Variants in VPS8 observed in about 807,000 individuals in gnomAD.
VPS8 encodes the protein vacuolar protein sorting-associated protein 8 homolog.
In VPS8, 129 loss-of-function variants were observed where a neutral mutation model predicts 216.4. The observed-to-expected ratio is 0.60, with a 90% confidence interval of 0.52 to 0.69. VPS8 has a LOEUF of 0.69. Among genes scored for constraint, VPS8 ranks in the 30% least tolerant of loss-of-function variants. VPS8 has a pLI of 0.00. For synonymous variants in VPS8, 571 were observed against 565.4 expected (o/e 1.01, Z -0.14); for missense variants, 1,531 against 1,683.5 (o/e 0.91, Z 1.59).
rs149682398 is a variant in VPS8 at position 184,987,747 on chromosome 3, C to T, written c.3585+4653C>T. 5.8e-4 allele frequency among the ~76,000 whole-genome samples: 88 copies of T among 152,240 alleles called. 1 individual carries two copies. The highest frequency in any genetic ancestry group is 2.0e-3 in the African/African-American group (84 of 41,556). ...AGTTTTAGACTCATTTGGGTAAATA[C>T]CTAGGAATGTGATTGCTGGATTATA... On this transcript the variant is annotated intron_variant, in intron 42 of 47. Coordinates refer to ENST00000625842, the MANE Select transcript of VPS8 (RefSeq NM_001009921.3).
At chr3:184,823,946 T>C (rs1718159750) in intron 1 of VPS8, among the ~76,000 whole-genome samples, 1 of 152,230 alleles carries the variant, frequency 6.6e-6, no homozygotes, top group Non-Finnish European at 1.5e-5. Context: ...TGGCTCTGTT[T>C]CTAGAAATCT....
At chr3:184,959,744 T>C (rs1331112613) in intron 37 of VPS8, among the ~76,000 whole-genome samples, 2 of 152,198 alleles carry the variant, frequency 1.3e-5, no homozygotes, top group Non-Finnish European at 2.9e-5. Context: ...AGTGATAATA[T>C]GGTGTCACAG....
intron 45 of VPS8, among the ~76,000 whole-genome samples, chr3:185,002,536 G>A (rs969884673): frequency 9.2e-5 from 14 of 151,896 alleles, no homozygotes; most frequent in African/African-American, 2.9e-4. Flanking sequence ...TGAGATTTTG[G>A]TGCACCCATC....
chr3:184,933,539 G>A (rs894269244), intron 34 of VPS8, among the ~76,000 whole-genome samples: 1 of 151,822 alleles, frequency 6.6e-6, no homozygotes, highest in Non-Finnish European at 1.5e-5. Flanking sequence ...GTGTGTGTGT[G>A]TGTGTGTGTT....
rs569886089 is a variant in VPS8, at chr3:184,920,297, C to G, written c.2454+99C>G. ...ATAAAATAATCTTGTTAAGTGGTTT[C>G]TTGGAATCATATCGTAAAATTTTAT... On this transcript the variant is annotated intron_variant, in intron 29 of 47. Transcript: ENST00000625842. The G allele has an allele frequency of 4.3e-4, 342 of 797,536 alleles. 4 individuals are homozygous for G. The Middle Eastern group carries it at 0.015, about 36-fold the overall frequency. 49.4% of individuals were successfully genotyped at this position (797,536 alleles called of 1,614,324 possible). A position where few individuals can be genotyped will look rare whatever the true frequency, so the allele number is the denominator to read the frequency against.
intron 37 of VPS8, among the ~76,000 whole-genome samples, chr3:184,964,234 CA>C (rs1167382370): frequency 6.6e-6 from 1 of 151,840 alleles, no homozygotes; most frequent in Non-Finnish European, 1.5e-5. Context: ...AGGTGTGTAA[CA>C]TTTTTTTAAA....
intron 38 of VPS8, among the ~76,000 whole-genome samples, chr3:184,966,392 C>G (rs1747416870): frequency 6.6e-6 from 1 of 152,152 alleles, no homozygotes; most frequent in Non-Finnish European, 1.5e-5. Flanking sequence ...AACTATATCA[C>G]CCAATATGAA....
At position 184,944,059 on chromosome 3, in the gene VPS8, AC is replaced by A. The variant is rs1452581773; in HGVS notation, c.3035+3817del. On this transcript the variant is annotated intron_variant, in intron 36 of 47. Coordinates refer to ENST00000625842, the MANE Select transcript of VPS8 (RefSeq NM_001009921.3). ...AGAGGTTGCACACACACACACACAC[AC>A]ACAAACAAACATTTACAAGTATCAA... 1.2e-3 allele frequency among the ~76,000 whole-genome samples: 176 copies of A among 149,152 alleles called. 2 individuals are homozygous for A. Among genetic ancestry groups the A allele is most frequent in the African/African-American group, 4.4e-3 (170 of 38,646 alleles).
intron 23 of VPS8, among the ~76,000 whole-genome samples, chr3:184,897,967 G>T (rs903605427): frequency 2.0e-5 from 3 of 151,876 alleles, no homozygotes; most frequent in Non-Finnish European, 2.9e-5. Flanking sequence ...TCTGCTTGTG[G>T]CTCACATATA....
chr3:185,016,318 G>C (rs955906773), intron 45 of VPS8, among the ~76,000 whole-genome samples: 1 of 152,142 alleles, frequency 6.6e-6, no homozygotes, highest in African/African-American at 2.4e-5. Context: ...GTGAGAAATC[G>C]AATTTTGCAA....
At chr3:185,024,621 C>T (rs1757099522) in intron 46 of VPS8, among the ~76,000 whole-genome samples, 1 of 152,188 alleles carries the variant, frequency 6.6e-6, no homozygotes, top group Non-Finnish European at 1.5e-5. Flanking sequence ...TCTAGAATGT[C>T]CATCTTCCAG....
chr3:184,819,877 A>G (rs564230919), intron 1 of VPS8, among the ~76,000 whole-genome samples: 1 of 152,238 alleles, frequency 6.6e-6, no homozygotes, highest in Non-Finnish European at 1.5e-5. Context: ...ATTTAGTTAC[A>G]ATAAAGTAAG....
At chr3:185,051,263 A>G (rs1237621547) in intron 47 of VPS8, among the ~76,000 whole-genome samples, 3 of 152,078 alleles carry the variant, frequency 2.0e-5, no homozygotes, top group Non-Finnish European at 4.4e-5. Context: ...GGGTACTGCT[A>G]GTGTCATTGG....
intron 45 of VPS8, among the ~76,000 whole-genome samples, chr3:185,010,982 A>G (rs572960831): frequency 6.8e-4 from 103 of 152,220 alleles, no homozygotes; most frequent in Non-Finnish European, 1.4e-3. Context: ...CTGGGCACCA[A>G]AGCGAGACCC....
intron 33 of VPS8, 82 bp downstream of exon 33, chr3:184,929,746 T>C: frequency 1.2e-6 from 1 of 810,990 alleles, no homozygotes; most frequent in East Asian, 3.2e-5. Flanking sequence ...AGTAGAAATA[T>C]TTGCGCATGT....
chr3:184,925,024 A>G (rs1164432332), intron 30 of VPS8, 43 bp downstream of exon 30: 32 of 1,578,826 alleles, frequency 2.0e-5, no homozygotes, highest in Non-Finnish European at 2.7e-5. Flanking sequence ...TTTCCTGTTT[A>G]CTGCGCACAG....
At chr3:185,005,143 C>G (rs947587318) in intron 45 of VPS8, among the ~76,000 whole-genome samples, 1 of 152,094 alleles carries the variant, frequency 6.6e-6, no homozygotes, top group Non-Finnish European at 1.5e-5. Context: ...CCTTTCCCCA[C>G]TTTGTGTTTT....
In VPS8 at chr3:184,826,265, G is replaced by T. The variant is rs145827378; in HGVS notation, c.222+34G>T. The T allele has an allele frequency of 6.6e-4, 1,016 of 1,549,038 alleles. 3 individuals are homozygous for T. The African/African-American group carries it at 0.013, about 19-fold the overall frequency. Reference sequence around the variant, plus strand: ...ATATTAATGATTACTGTCATTTTGTGTGTGGCATTCATCTTAATACTTTTT... The same window carrying T: ...ATATTAATGATTACTGTCATTTTGTTTGTGGCATTCATCTTAATACTTTTT... On this transcript the variant is annotated intron_variant, in intron 3 of 47. Coordinates refer to ENST00000625842, the MANE Select transcript of VPS8 (RefSeq NM_001009921.3).
At chr3:184,849,361 ATAAT>A (rs1723823028) in intron 9 of VPS8, 166 bp downstream of exon 9, 3 of 753,126 alleles carry the variant, frequency 4.0e-6, no homozygotes, top group Non-Finnish European at 4.0e-6. Flanking sequence ...AAAATTTTAC[ATAAT>A]TGTTATCGAC....
Sources: allele counts gnomAD v4.1 joint callset (sites outside exome capture counted in the v4.1 genomes callset), GRCh38; gene constraint gnomAD v4.1.1; transcripts MANE v1.5; gene names NCBI Gene and HGNC (gene_info 2026-07-23, HGNC 2026-07-21).